The following ATRN variants were observed in gnomAD, a reference collection of about 807,000 sequenced individuals.
The protein encoded by ATRN is attractin, also known as attractin-2.
ATRN carries 54 observed loss-of-function variants against 178.7 expected under a neutral mutation model. The ratio of observed to expected loss-of-function variants is 0.30; its 90% CI spans 0.24 to 0.38. The LOEUF is 0.38. ATRN is among the 10% of genes least tolerant of loss of function. The pLI is 1.00. For synonymous variants in ATRN, 636 were observed against 663.0 expected (o/e 0.96, Z 0.63); for missense variants, 1,443 against 1,815.1 (o/e 0.79, Z 3.73).
rs1174726670 is a variant in ATRN, at chr20:3,562,290, A to T, written c.1462A>T (p.Ser488Cys). The change falls in exon 9 of 29, where the codon AGT (serine) becomes TGT (cysteine). Residue 488 changes from serine to cysteine, a missense_variant. Ser to Cys is a moderately radical substitution (Grantham distance 112). Coordinates refer to ENST00000262919, the MANE Select transcript of ATRN (RefSeq NM_139321.3). ...TTCCTTTCCAGATAAGAACACATGG[A>T]GTATATTACACACCCAGGGTGCCCT... ...QEYDLDKNTW[S>C]ILHTQGALVQ... 1 of 1,612,960 alleles carries T rather than the reference A, an allele frequency of 6.2e-7. No homozygotes were observed. The highest frequency in any genetic ancestry group is 8.5e-7 in the Non-Finnish European group (1 of 1,179,414).
intron 7 of ATRN, 125 bp downstream of exon 7, chr20:3,559,608 T>G: frequency 1.4e-6 from 1 of 703,154 alleles, no homozygotes; most frequent in Non-Finnish European, 2.4e-6. Context: ...ATTGGGGGCA[T>G]TATATAATTG....
At chr20:3,594,648 A>G (rs547838186) in intron 20 of ATRN, 76 bp downstream of exon 20, 1 of 1,223,666 alleles carries the variant, frequency 8.2e-7, no homozygotes, top group Admixed American at 2.3e-5. Context: ...CCTGAGAGCC[A>G]CCCACTTCCC....
Position 3,576,918 on chromosome 20 carries a change from G to A in ATRN, c.2274G>A (p.Lys758=). ...PKDNPMYYCN[K]KTSCRSCALD... Reference sequence around the variant, plus strand: ...ATAACCCCATGTACTACTGTAACAAGAAGACCAGCTGCAGGAGCTGTGCCC... The same window carrying A: ...ATAACCCCATGTACTACTGTAACAAAAAGACCAGCTGCAGGAGCTGTGCCC... The change falls in exon 14 of 29, where the codon AAG becomes AAA. Residue 758 remains lysine (K), a synonymous_variant. Transcript: ENST00000262919. 6.2e-7 allele frequency: 1 copy of A among 1,614,134 alleles called. No individual in the cohort carries two copies. The highest frequency in any genetic ancestry group is 8.5e-7 in the Non-Finnish European group (1 of 1,180,008).
intron 1 of ATRN, among the ~76,000 whole-genome samples, chr20:3,476,005 T>G (rs1417220981): frequency 1.3e-5 from 2 of 151,992 alleles, no homozygotes; most frequent in Non-Finnish European, 2.9e-5. Context: ...GTTAGCTGGG[T>G]GTGTTGGCAT....
chr20:3,478,142 C>T (rs1162486985), intron 1 of ATRN, among the ~76,000 whole-genome samples: 3 of 152,334 alleles, frequency 2.0e-5, no homozygotes, highest in Non-Finnish European at 4.4e-5. Flanking sequence ...CCCTTCACCT[C>T]ATTGCTGACC....
At chr20:3,555,062 G>A (rs932043214) in intron 6 of ATRN, among the ~76,000 whole-genome samples, 4 of 133,928 alleles carry the variant, frequency 3.0e-5, no homozygotes, top group East Asian at 2.3e-4. Flanking sequence ...GTGCAGTGGC[G>A]TGATCTCGGC....
At chr20:3,521,078 T>C (rs921235559) in intron 1 of ATRN, among the ~76,000 whole-genome samples, 7 of 152,030 alleles carry the variant, frequency 4.6e-5, no homozygotes, top group East Asian at 1.9e-4. Context: ...ATGGGAACAA[T>C]AGACAGGGGG....
intron 19 of ATRN, among the ~76,000 whole-genome samples, chr20:3,593,584 A>G (rs919542913): frequency 1.3e-5 from 2 of 152,106 alleles, no homozygotes; most frequent in African/African-American, 2.4e-5. Context: ...TTCACTATAC[A>G]TTACACACCT....
At chr20:3,644,523 C>T (rs562316578) in intron 28 of ATRN, among the ~76,000 whole-genome samples, 22 of 152,328 alleles carry the variant, frequency 1.4e-4, no homozygotes, top group Admixed American at 1.3e-3. Context: ...TCTCAGTGCT[C>T]GTGGATGCCT....
intron 6 of ATRN, among the ~76,000 whole-genome samples, chr20:3,550,616 C>G (rs2085774265): frequency 6.6e-6 from 1 of 152,156 alleles, no homozygotes; most frequent in Non-Finnish European, 1.5e-5. Context: ...AAATGCTTTC[C>G]TGAATATGAA....
At chr20:3,507,189 G>A (rs2085057175) in intron 1 of ATRN, among the ~76,000 whole-genome samples, 3 of 151,812 alleles carry the variant, frequency 2.0e-5, no homozygotes, top group African/African-American at 7.3e-5. Context: ...GGTGGATCAT[G>A]AGGTCAGGAG....
chr20:3,504,689 A>G (rs1386605581), intron 1 of ATRN, among the ~76,000 whole-genome samples: 27 of 10,226 alleles, frequency 2.6e-3, no homozygotes, highest in Middle Eastern at 0.17. Context: ...CTGTCTTAAG[A>G]TAATAATAAT....
chr20:3,529,889 C>CATTT (rs1338880849), intron 1 of ATRN, among the ~76,000 whole-genome samples: 1 of 152,034 alleles, frequency 6.6e-6, no homozygotes, highest in East Asian at 1.9e-4. Flanking sequence ...TATATTGTGG[C>CATTT]AGTAAAATAC....
rs58489496 is a variant in ATRN at position 3,492,168 on chromosome 20, AGTGTGTGT to A, written c.410+20680_410+20687del. Among the ~76,000 whole-genome samples the A allele has an allele frequency of 1.2e-3, 169 of 140,696 alleles. 2 individuals are homozygous for A. The highest frequency in any genetic ancestry group is 1.0e-2 in the East Asian group (47 of 4,716). The allele number at this position is 140,696 out of a possible 152,430, so 92.3% of individuals were successfully genotyped here. A position where few individuals can be genotyped will look rare whatever the true frequency, so the allele number is the denominator to read the frequency against. ...GTTGAGAGCATATTCTAGATAGGGG[AGTGTGTGT>A]GTGTGTGTGTGTGTGTGTGTGTGTG... is the stretch of plus-strand genomic sequence containing the variant. On this transcript the variant is annotated intron_variant, in intron 1 of 28. Transcript: ENST00000262919.
chr20:3,533,259 A>G (rs926784538), intron 1 of ATRN, among the ~76,000 whole-genome samples: 1 of 152,236 alleles, frequency 6.6e-6, no homozygotes, highest in African/African-American at 2.4e-5. Context: ...TATTTCCTGG[A>G]AATCATCCAT....
intron 1 of ATRN, among the ~76,000 whole-genome samples, chr20:3,513,693 CTT>C (rs1476246894): frequency 2.0e-5 from 3 of 152,084 alleles, no homozygotes; most frequent in Admixed American, 1.3e-4. Context: ...TATAAATTAC[CTT>C]TTTCACCATA....
At chr20:3,597,185 A>G (rs116849151) in intron 21 of ATRN, among the ~76,000 whole-genome samples, 3 of 151,516 alleles carry the variant, frequency 2.0e-5, no homozygotes, top group Admixed American at 1.3e-4. Flanking sequence ...TAATGAAACT[A>G]TATAAAAATT....
At chr20:3,624,176 G>A (rs543864937) in intron 24 of ATRN, among the ~76,000 whole-genome samples, 2 of 152,346 alleles carry the variant, frequency 1.3e-5, no homozygotes, top group South Asian at 2.1e-4. Flanking sequence ...GGCAAACAAG[G>A]AGAGCTTTGT....
At chr20:3,521,317 C>G (rs1181893956) in intron 1 of ATRN, among the ~76,000 whole-genome samples, 1 of 151,668 alleles carries the variant, frequency 6.6e-6, no homozygotes, top group Non-Finnish European at 1.5e-5. Flanking sequence ...ACACATACCC[C>G]TGAATCTAAA....
Sources: allele counts gnomAD v4.1 joint callset (sites outside exome capture counted in the v4.1 genomes callset), GRCh38; gene constraint gnomAD v4.1.1; transcripts MANE v1.5; gene names NCBI Gene and HGNC (gene_info 2026-07-23, HGNC 2026-07-21).